Variants in TANC2 observed in about 807,000 individuals in gnomAD.
The protein encoded by TANC2 is protein TANC2.
In TANC2, 26 loss-of-function variants were observed where a neutral mutation model predicts 210.5. The observed-to-expected ratio is 0.12, with a 90% confidence interval of 0.09 to 0.17. The LOEUF (loss-of-function observed/expected upper bound fraction) is 0.17. TANC2 is among the 10% of genes least tolerant of loss of function. TANC2 has a pLI of 1.00. For synonymous variants in TANC2, 931 were observed against 967.1 expected, an observed-to-expected ratio of 0.96 and a Z score of 0.69; for missense variants, 2,129 against 2,608.9, an observed-to-expected ratio of 0.82 and a Z score of 4.01.
chr17:63,162,647 GTTATC>G (rs992181499), intron 5 of TANC2, among the ~76,000 whole-genome samples: 7 of 152,092 alleles, frequency 4.6e-5, no homozygotes, highest in African/African-American at 1.7e-4. Flanking sequence ...TAGAAAAAAG[GTTATC>G]TTATGGGAAC....
intron 2 of TANC2, among the ~76,000 whole-genome samples, chr17:63,066,745 C>CT (rs919970215): frequency 9.4e-4 from 137 of 145,140 alleles, no homozygotes; most frequent in South Asian, 2.6e-3. Flanking sequence ...TTAATGAAAG[C>CT]TTTTTTTTTT....
intron 2 of TANC2, among the ~76,000 whole-genome samples, chr17:63,016,580 A>G (rs934347705): frequency 4.6e-5 from 7 of 152,182 alleles, no homozygotes; most frequent in African/African-American, 1.7e-4. Flanking sequence ...TTGGGTATAT[A>G]GGAGTGGGAT....
Position 63,208,281 on chromosome 17 carries a change from C to T in TANC2, c.769+7324C>T, listed in dbSNP as rs762631266. ...AAATAACTAGTTCCATTACCATGTT[C>T]GCATGCAGTGTATTGCTGCCAAAAG... On this transcript the variant is annotated intron_variant, in intron 7 of 27. Transcript: ENST00000689528. Among the ~76,000 whole-genome samples the T allele has an allele frequency of 9.9e-5, 15 of 152,224 alleles. No individual in the cohort carries two copies. In the South Asian group the frequency reaches 2.5e-3, roughly 25 times the overall value.
Position 63,098,515 on chromosome 17 carries a change from G to GTGTGTATATA in TANC2, c.140-659_140-658insGTGTATATAT, listed in dbSNP as rs1555571195. On this transcript the variant is annotated intron_variant, in intron 3 of 27. Transcript: ENST00000689528. Reference sequence around the variant, plus strand: ...TCTCTCTCTCTCTCTCTCTCTGTGTGTATATATATATATATATATGTAAAA... The same window carrying GTGTGTATATA: ...TCTCTCTCTCTCTCTCTCTCTGTGTGTGTGTATATATATATATATATATATATATGTAAAA... Among the ~76,000 whole-genome samples the GTGTGTATATA allele has an allele frequency of 1.1e-4, 14 of 126,730 alleles. 1 individual carries two copies. Among genetic ancestry groups the GTGTGTATATA allele is most frequent in the African/African-American group, 3.7e-4 (13 of 34,902 alleles). The allele number at this position is 126,730 out of a possible 152,430, so 83.1% of individuals were successfully genotyped here. A position where few individuals can be genotyped will look rare whatever the true frequency, so the allele number is the denominator to read the frequency against.
chr17:63,421,213 C>G lies in TANC2; in HGVS notation c.5483C>G (p.Ser1828Cys). Residue 1828 changes from serine to cysteine, a missense_variant, in exon 28 of 28, where the codon TCC becomes TGC. Coordinates refer to ENST00000689528, the Ensembl canonical transcript of TANC2. This position sits in a 1 kb window ranked among gnomAD's most constrained non-coding sequence, Gnocchi z 6.9. ...GAGCGCTCCTCCAGCCAACTAGGTTCCCCTGATGTGTCGCATTTAATCAGA... is the reference window on the plus strand; with the variant it reads ...GAGCGCTCCTCCAGCCAACTAGGTTGCCCTGATGTGTCGCATTTAATCAGA... 15 of 1,614,050 alleles carry G rather than the reference C, an allele frequency of 9.3e-6. No individual in the cohort carries two copies. The highest frequency in any genetic ancestry group is 1.3e-5 in the Non-Finnish European group (15 of 1,179,902).
At chr17:63,123,879 T>G (rs1305744942) in intron 4 of TANC2, among the ~76,000 whole-genome samples, 1 of 151,578 alleles carries the variant, frequency 6.6e-6, no homozygotes, top group African/African-American at 2.4e-5. Context: ...TTTTTTTTAT[T>G]TTTAGTAGAG....
rs542320358 is a variant in TANC2, at chr17:63,036,845, G to GTT, written c.67+27236_67+27237dup. On this transcript the variant is annotated intron_variant, in intron 2 of 27. Coordinates refer to ENST00000689528, the Ensembl canonical transcript of TANC2. ...CATGTTTCATTAGACTTACATGTAA[G>GTT]TTTTTTTTTTTTTTTTTTGAGCTAG... Among the ~76,000 whole-genome samples the GTT allele has an allele frequency of 3.2e-4, 43 of 133,948 alleles. 1 individual carries two copies. Among genetic ancestry groups the GTT allele is most frequent in the African/African-American group, 7.6e-4 (28 of 36,776 alleles). The allele number at this position is 133,948 out of a possible 152,430, so 87.9% of individuals were successfully genotyped here.
rs768863390 is a variant in TANC2, at chr17:63,224,250, ATT to A, written c.770-13546_770-13545del. ...CCTGGTTGCTCTCCCAGACTTGCTGATTTTTTTTTTTTTTTTTTTGAGACGGG... is the reference window on the plus strand; with the variant it reads ...CCTGGTTGCTCTCCCAGACTTGCTGATTTTTTTTTTTTTTTTTGAGACGGG... On this transcript the variant is annotated intron_variant, in intron 7 of 27. Transcript: ENST00000689528. Among the ~76,000 whole-genome samples the A allele has an allele frequency of 4.4e-4, 57 of 130,264 alleles. 1 individual carries two copies. The highest frequency in any genetic ancestry group is 8.8e-4 in the African/African-American group (30 of 34,198). The allele number at this position is 130,264 out of a possible 152,430, so 85.5% of individuals were successfully genotyped here.
chr17:63,322,095 C>T (rs2045512487), intron 11 of TANC2, among the ~76,000 whole-genome samples: 1 of 152,212 alleles, frequency 6.6e-6, no homozygotes. Flanking sequence ...AGTACATCCT[C>T]ATCTATAAAT....
At position 63,073,992 on chromosome 17, in the gene TANC2, T is replaced by C. The variant is rs748290834; in HGVS notation, c.117T>C (p.Ser39=). The change falls in exon 3 of 28, where the codon TCT becomes TCC. Residue 39 remains serine (S), a synonymous_variant. Transcript: ENST00000689528. Reference sequence around the variant, plus strand: ...ATCGAAGACAGTCAAGTGTAGACTCTCGCCAAAGCCGCTCTGGGCAAGGTA... The same window carrying C: ...ATCGAAGACAGTCAAGTGTAGACTCCCGCCAAAGCCGCTCTGGGCAAGGTA... 45 of 1,585,566 alleles carry C rather than the reference T, an allele frequency of 2.8e-5. No homozygotes were observed. The East Asian group carries it at 9.9e-4, about 35-fold the overall frequency.
At chr17:63,376,419 G>T (rs2147058457) in intron 14 of TANC2, among the ~76,000 whole-genome samples, 1 of 152,288 alleles carries the variant, frequency 6.6e-6, no homozygotes. Context: ...AGTTTTATAA[G>T]TGTCTGGCAT....
intron 13 of TANC2, among the ~76,000 whole-genome samples, 159 bp downstream of exon 13, chr17:63,351,575 C>T (rs1350723364): frequency 2.0e-5 from 3 of 152,110 alleles, no homozygotes; most frequent in Non-Finnish European, 4.4e-5. Context: ...GAGATATGAT[C>T]TAGAAAGACA....
At chr17:63,024,275 T>C (rs1391436477) in intron 2 of TANC2, among the ~76,000 whole-genome samples, 1 of 152,218 alleles carries the variant, frequency 6.6e-6, no homozygotes, top group Non-Finnish European at 1.5e-5. Flanking sequence ...CCCTGAGGGC[T>C]GCTGGTTGCT....
intron 19 of TANC2, among the ~76,000 whole-genome samples, chr17:63,400,476 C>A (rs1336644960): frequency 6.6e-6 from 1 of 151,952 alleles, no homozygotes; most frequent in Non-Finnish European, 1.5e-5. Flanking sequence ...GAATGTTGTA[C>A]ATATGTACCA....
At chr17:63,064,004 A>G (rs2036104571) in intron 2 of TANC2, among the ~76,000 whole-genome samples, 1 of 152,180 alleles carries the variant, frequency 6.6e-6, no homozygotes, top group Non-Finnish European at 1.5e-5. Context: ...CAATATATAT[A>G]TGGACAGGTT....
intron 2 of TANC2, among the ~76,000 whole-genome samples, chr17:63,018,709 C>G (rs193149574): frequency 1.3e-5 from 2 of 152,082 alleles, no homozygotes; most frequent in African/African-American, 2.4e-5. Flanking sequence ...TACCCCCTTC[C>G]CTCTCACACC....
chr17:63,083,146 A>T (rs2036840599), intron 3 of TANC2, among the ~76,000 whole-genome samples: 1 of 151,270 alleles, frequency 6.6e-6, no homozygotes, highest in Non-Finnish European at 1.5e-5. Flanking sequence ...TCACTTCACC[A>T]CTCCTTCAGG....
intron 13 of TANC2, 80 bp downstream of exon 13, chr17:63,351,496 T>G: frequency 8.4e-7 from 1 of 1,187,256 alleles, no homozygotes; most frequent in Non-Finnish European, 1.1e-6. Flanking sequence ...GGTCCTAGTT[T>G]CATAAACTTC....
rs550793513 is a variant in TANC2 at position 63,096,966 on chromosome 17, G to T, written c.140-2209G>T. ...GCTTTGTTTTTCTGTAATGATTGTT[G>T]AGCTACATTACATGTTCTTGTTGGC... On this transcript the variant is annotated intron_variant, in intron 3 of 27. Transcript: ENST00000689528. 2.0e-5 allele frequency among the ~76,000 whole-genome samples: 3 copies of T among 151,178 alleles called. No individual in the cohort carries two copies. The South Asian group carries it at 6.3e-4, about 32-fold the overall frequency.
Sources: allele counts gnomAD v4.1 joint callset (sites outside exome capture counted in the v4.1 genomes callset), GRCh38; gene constraint gnomAD v4.1.1; non-coding constraint Gnocchi (gnomAD v3.1); transcripts MANE v1.5; gene names NCBI Gene and HGNC (gene_info 2026-07-23, HGNC 2026-07-21).